The following ACO2 variants were observed in gnomAD, a reference collection of about 807,000 sequenced individuals.
ACO2 encodes aconitate hydratase, mitochondrial.
In ACO2, 31 loss-of-function variants were observed where a neutral mutation model predicts 84.5. The ratio of observed to expected loss-of-function variants is 0.37; its 90% CI spans 0.28 to 0.50. ACO2 has a LOEUF of 0.50. Among genes scored for constraint, ACO2 ranks in the 20% least tolerant of loss-of-function variants. The pLI is 0.97. For missense variants in ACO2, 685 were observed against 1,029.3 expected (o/e 0.67, Z 4.58); for synonymous variants, 414 against 412.7 (o/e 1.00, Z -0.04).
chr22:41,471,803 A>T, intron 1 of ACO2, among the ~76,000 whole-genome samples: 1 of 152,180 alleles, frequency 6.6e-6, no homozygotes, highest in Non-Finnish European at 1.5e-5. Flanking sequence ...AGCCTGATTT[A>T]TAGATGAAGA....
intron 2 of ACO2, among the ~76,000 whole-genome samples, chr22:41,504,477 T>C (rs1255547449): frequency 1.3e-5 from 2 of 152,230 alleles, no homozygotes; most frequent in Admixed American, 6.5e-5. Flanking sequence ...TGAGCTTTTT[T>C]ATATAGCTTC....
intron 3 of ACO2, among the ~76,000 whole-genome samples, chr22:41,508,587 C>CT (rs2066411484): frequency 6.6e-6 from 1 of 152,230 alleles, no homozygotes; most frequent in Non-Finnish European, 1.5e-5. Context: ...CTCTGGTGCT[C>CT]TGTCACTGAG....
Position 41,518,518 on chromosome 22 carries a change from G to A in ACO2, c.978G>A (p.Leu326=), listed in dbSNP as rs1475209216. Residue 326 remains leucine, a synonymous_variant, in exon 8 of 18, where the codon TTG becomes TTA. Coordinates refer to ENST00000216254, the MANE Select transcript of ACO2 (RefSeq NM_001098.3). Reference sequence around the variant, plus strand: ...TAGCTGATGAATTCAAGGATCACTTGGTGCCTGACCCTGGCTGCCATTATG... The same window carrying A: ...TAGCTGATGAATTCAAGGATCACTTAGTGCCTGACCCTGGCTGCCATTATG... ...ANLADEFKDH[L]VPDPGCHYDQ... is the part of the protein sequence containing the mutation. 1 of 1,613,830 alleles carries A rather than the reference G, an allele frequency of 6.2e-7. No individual in the cohort carries two copies. The highest frequency in any genetic ancestry group is 1.3e-5 in the African/African-American group (1 of 74,908).
rs144210087 is a variant in ACO2 at position 41,506,077 on chromosome 22, G to GT, written c.174-1704dup. On this transcript the variant is annotated intron_variant, in intron 2 of 17. Coordinates refer to ENST00000216254, the MANE Select transcript of ACO2 (RefSeq NM_001098.3). ...TAATAGGTCAGGTTTGGGCTTTTTT[G>GT]TTTTTTTTTTGTTTGTTTGTTTTTA... 4.7e-3 allele frequency among the ~76,000 whole-genome samples: 691 copies of GT among 147,156 alleles called. 3 individuals carry two copies. Among genetic ancestry groups the GT allele is most frequent in the Non-Finnish European group, 7.3e-3 (482 of 66,172 alleles).
chr22:41,473,572 T>C (rs1038669054), intron 1 of ACO2, among the ~76,000 whole-genome samples: 1 of 152,176 alleles, frequency 6.6e-6, no homozygotes, highest in African/African-American at 2.4e-5. Context: ...GGGGGTGCAG[T>C]AGTGAACAAG....
intron 15 of ACO2, chr22:41,526,794 CAG>C (rs1323134863): frequency 9.0e-6 from 3 of 334,850 alleles, no homozygotes; most frequent in Non-Finnish European, 1.7e-5. Flanking sequence ...AGTGAGCAGG[CAG>C]AGAGGGTCTG....
At chr22:41,520,473 A>G (rs747446691) in intron 9 of ACO2, among the ~76,000 whole-genome samples, 197 bp downstream of exon 9, 7 of 152,254 alleles carry the variant, frequency 4.6e-5, no homozygotes, top group Admixed American at 2.0e-4. Context: ...CAGGAGGCCA[A>G]TGCAGGTGGA....
chr22:41,524,245 TTC>T (rs2066555633), intron 12 of ACO2, among the ~76,000 whole-genome samples: 3 of 152,198 alleles, frequency 2.0e-5, no homozygotes, highest in African/African-American at 7.2e-5. Flanking sequence ...GTCACTTACC[TTC>T]TCTGTGTCCC....
At chr22:41,503,594 G>C (rs111825235) in intron 2 of ACO2, among the ~76,000 whole-genome samples, 1 of 152,124 alleles carries the variant, frequency 6.6e-6, no homozygotes, top group African/African-American at 2.4e-5. Flanking sequence ...CTCCCAAAGT[G>C]CTGAGGTGAC....
intron 1 of ACO2, among the ~76,000 whole-genome samples, chr22:41,473,207 G>A (rs1056272268): frequency 3.3e-5 from 5 of 152,112 alleles, no homozygotes; most frequent in African/African-American, 1.2e-4. Context: ...GCTTCACAGT[G>A]TTCTTTGAAA....
At position 41,522,935 on chromosome 22, in the gene ACO2, C is replaced by G; in HGVS notation, c.1244C>G (p.Thr415Ser). 6.2e-7 allele frequency: 1 copy of G among 1,614,234 alleles called. No individual in the cohort carries two copies. Among genetic ancestry groups the G allele is most frequent in the South Asian group, 1.1e-5 (1 of 91,092 alleles). ...GGCCTCAAGTGCAAGTCCCAGTTCA[C>G]CATCACTCCAGGTTCCGAGCAGATC... ...AHGLKCKSQF[T>S]ITPGSEQIRA... The change falls in exon 10 of 18, where the codon ACC (threonine) becomes AGC (serine). Residue 415 changes from threonine (T) to serine (S), a missense_variant. Physicochemically the swap from Thr to Ser is moderately conservative, Grantham distance 58 (BLOSUM62 1). Coordinates refer to ENST00000216254, the MANE Select transcript of ACO2 (RefSeq NM_001098.3).
intron 1 of ACO2, among the ~76,000 whole-genome samples, chr22:41,487,463 C>G (rs979287655): frequency 4.6e-5 from 7 of 152,208 alleles, no homozygotes; most frequent in Admixed American, 1.3e-4. Context: ...CACCACAACA[C>G]ATAGTCTGGG....
rs1380695214 is a variant in ACO2, at chr22:41,483,517, C to T, written c.36+14335C>T. Among the ~76,000 whole-genome samples the T allele has an allele frequency of 5.9e-5, 9 of 151,962 alleles. 1 individual carries two copies. In the South Asian group the frequency reaches 1.0e-3, roughly 18 times the overall value. On this transcript the variant is annotated intron_variant, in intron 1 of 17. Coordinates refer to ENST00000216254, the MANE Select transcript of ACO2 (RefSeq NM_001098.3). Reference sequence around the variant, plus strand: ...ACTAAAAATACAAAAATTAGCTGGGCGTGGTGGTGCATGCCTGTAATCCCA... The same window carrying T: ...ACTAAAAATACAAAAATTAGCTGGGTGTGGTGGTGCATGCCTGTAATCCCA...
chr22:41,516,001 C>T (rs1350872574), intron 6 of ACO2, 84 bp downstream of exon 6: 1 of 1,513,916 alleles, frequency 6.6e-7, no homozygotes, highest in African/African-American at 1.4e-5. Flanking sequence ...CGGTGAATGG[C>T]CTTCACTTGA....
intron 1 of ACO2, among the ~76,000 whole-genome samples, chr22:41,494,342 C>T (rs991338780): frequency 5.9e-5 from 9 of 151,604 alleles, no homozygotes; most frequent in East Asian, 3.9e-4. Context: ...ATTCCAGGTG[C>T]GTCACACTGT....
intron 17 of ACO2, 95 bp downstream of exon 17, chr22:41,528,117 C>T: frequency 6.5e-7 from 1 of 1,548,396 alleles, no homozygotes; most frequent in East Asian, 2.3e-5. Context: ...TCCCAGGAGG[C>T]TTCATTCCAG....
chr22:41,505,581 C>G (rs1201608845), intron 2 of ACO2, among the ~76,000 whole-genome samples: 1 of 152,196 alleles, frequency 6.6e-6, no homozygotes, highest in East Asian at 1.9e-4. Context: ...AGCTGTACCC[C>G]TCACTGGCTT....
chr22:41,477,160 A>T (rs1032870489), intron 1 of ACO2, among the ~76,000 whole-genome samples: 34 of 137,864 alleles, frequency 2.5e-4, no homozygotes, highest in Admixed American at 9.0e-4. Context: ...TTATTTATTT[A>T]TTTATTTTTT....
In ACO2 at chr22:41,528,597, A is replaced by T. The variant is rs1465886571; in HGVS notation, c.2327A>T (p.Lys776Met). 4 of 1,611,614 alleles carry T rather than the reference A, an allele frequency of 2.5e-6. No individual in the cohort carries two copies. The African/African-American group carries it at 5.3e-5, about 21-fold the overall frequency. The change falls in exon 18 of 18, where the codon AAG (lysine) becomes ATG (methionine). Residue 776 changes from lysine to methionine, a missense_variant. Around this residue, in one of 5 missense-constraint regions of ACO2, gnomAD observed 174 missense variants for 236.6 expected, o/e 0.74. Coordinates refer to ENST00000216254, the MANE Select transcript of ACO2 (RefSeq NM_001098.3). ...FRAGSALNRM[K>M]ELQQ is the part of the protein sequence containing the mutation. ...GCTGGCAGTGCCCTCAACAGAATGA[A>T]GGAACTGCAACAGTGAGGGCAGTGC... is the stretch of plus-strand genomic sequence containing the variant.
Sources: gnomAD v4.1 joint callset for allele counts (sites outside exome capture counted in the v4.1 genomes callset) on GRCh38, gnomAD v4.1.1 for gene constraint, gnomAD v4.1.1 regional missense constraint, MANE v1.5 for transcripts, NCBI Gene and HGNC (gene_info 2026-07-23, HGNC 2026-07-21) for gene names.